The following SNX7 variants were observed in gnomAD, a reference collection of about 807,000 sequenced individuals.
The protein encoded by SNX7 is sorting nexin-7.
Under a neutral mutation model 48.4 loss-of-function variants are expected in SNX7, and 35 were observed. The ratio of observed to expected loss-of-function variants is 0.72; its 90% confidence interval spans 0.55 to 0.96. The LOEUF is 0.96. Ranked by LOEUF, SNX7 falls within the 40% of genes least tolerant of loss-of-function variation. The probability of loss-of-function intolerance (pLI) is 0.00; values close to 1 mark genes in which losing one functional copy is unlikely to be tolerated. For missense variants in SNX7, 553 were observed against 548.9 expected, an observed-to-expected ratio of 1.01 and a Z score of -0.07; for synonymous variants, 190 against 190.2, an observed-to-expected ratio of 1.00 and a Z score of 0.01.
chr1:98,743,911 A>G (rs1654192709), intron 8 of SNX7, among the ~76,000 whole-genome samples: 1 of 152,098 alleles, frequency 6.6e-6, no homozygotes, highest in Non-Finnish European at 1.5e-5. Flanking sequence ...AACTATATTG[A>G]TAATGATGAT....
intron 1 of SNX7, among the ~76,000 whole-genome samples, chr1:98,671,854 G>T (rs1649882888): frequency 1.3e-5 from 2 of 151,816 alleles, no homozygotes; most frequent in South Asian, 2.1e-4. Flanking sequence ...ATTTCTATTA[G>T]AAAAATGATT....
intron 7 of SNX7, among the ~76,000 whole-genome samples, chr1:98,710,945 T>G (rs923035291): frequency 6.6e-6 from 1 of 152,202 alleles, no homozygotes; most frequent in African/African-American, 2.4e-5. Flanking sequence ...AGTAAAAATT[T>G]TGGTAAGTTA....
At chr1:98,727,105 C>T (rs910632969) in intron 7 of SNX7, among the ~76,000 whole-genome samples, 1 of 152,126 alleles carries the variant, frequency 6.6e-6, no homozygotes. Context: ...AGCTACTTGG[C>T]AAGCCAAGGC....
intron 1 of SNX7, among the ~76,000 whole-genome samples, chr1:98,667,094 C>A (rs111875379): frequency 5.3e-4 from 80 of 152,280 alleles, no homozygotes; most frequent in African/African-American, 1.9e-3. Context: ...TTCCTGAATT[C>A]CTGCATAAAC....
rs750177918 is a variant in SNX7, at chr1:98,684,930, A to G, written c.226A>G (p.Thr76Ala). 5.7e-6 allele frequency: 9 copies of G among 1,592,828 alleles called. No homozygotes were observed. The highest frequency in any genetic ancestry group is 7.7e-6 in the Non-Finnish European group (9 of 1,168,208). The change falls in exon 2 of 9, where the codon ACA becomes GCA. Residue 76 changes from threonine (T) to alanine (A), a missense_variant. Transcript: ENST00000306121. Reference sequence around the variant, plus strand: ...GAACTCCTTCAGCCCTATGATGCCAACATCCCCTTTATCAATGATAAACCA... The same window carrying G: ...GAACTCCTTCAGCCCTATGATGCCAGCATCCCCTTTATCAATGATAAACCA... Reference protein sequence around the residue: ...DMNSFSPMMPTSPLSMINQIK... With the variant: ...DMNSFSPMMPASPLSMINQIK...
At chr1:98,695,267 T>G (rs956222798) in intron 4 of SNX7, among the ~76,000 whole-genome samples, 1 of 152,126 alleles carries the variant, frequency 6.6e-6, no homozygotes, top group African/African-American at 2.4e-5. Flanking sequence ...CTTTTAAAGA[T>G]TTACGGTCTG....
At chr1:98,737,055 C>T (rs951689767) in intron 7 of SNX7, among the ~76,000 whole-genome samples, 1 of 151,632 alleles carries the variant, frequency 6.6e-6, no homozygotes, top group Admixed American at 6.6e-5. Flanking sequence ...TCTCTAACCT[C>T]ACTTCCCAGG....
intron 4 of SNX7, among the ~76,000 whole-genome samples, chr1:98,694,595 G>GTTT (rs1557802551): frequency 4.2e-5 from 3 of 71,246 alleles, no homozygotes; most frequent in African/African-American, 1.1e-4. Flanking sequence ...ATTGCTCTGG[G>GTTT]ATTTTTTTTT....
chr1:98,681,224 G>T (rs994781676), intron 1 of SNX7, among the ~76,000 whole-genome samples: 2 of 152,122 alleles, frequency 1.3e-5, no homozygotes, highest in South Asian at 2.1e-4. Context: ...ACTATCAGGA[G>T]AACAGCACGG....
intron 8 of SNX7, among the ~76,000 whole-genome samples, chr1:98,745,206 G>A (rs762771020): frequency 9.2e-5 from 14 of 151,938 alleles, no homozygotes; most frequent in Non-Finnish European, 1.9e-4. Flanking sequence ...TTGCAATAGA[G>A]GTGTAATAGA....
At chr1:98,723,024 T>C (rs1462579007) in intron 7 of SNX7, among the ~76,000 whole-genome samples, 2 of 151,994 alleles carry the variant, frequency 1.3e-5, no homozygotes, top group Non-Finnish European at 2.9e-5. Context: ...GGGATAACAA[T>C]GAAAAGATGA....
At chr1:98,702,836 T>G (rs1258803228) in intron 7 of SNX7, among the ~76,000 whole-genome samples, 1 of 152,080 alleles carries the variant, frequency 6.6e-6, no homozygotes, top group African/African-American at 2.4e-5. Flanking sequence ...AAAATTTTTC[T>G]TTAAATTTAA....
At chr1:98,748,666 A>ACACACACT (rs1654428895) in intron 8 of SNX7, among the ~76,000 whole-genome samples, 1 of 151,816 alleles carries the variant, frequency 6.6e-6, no homozygotes, top group Non-Finnish European at 1.5e-5. Flanking sequence ...ACACACACAC[A>ACACACACT]CACACACTGC....
Position 98,760,046 on chromosome 1 carries a change from T to C in SNX7, c.1279-8T>C. 2 of 1,571,698 alleles carry C rather than the reference T, an allele frequency of 1.3e-6. No individual in the cohort carries two copies. The highest frequency in any genetic ancestry group is 1.8e-6 in the Non-Finnish European group (2 of 1,141,704). ...TTGATTGCCTCATGGTGTGTTTCCA[T>C]TATTCAGTGCCTTGCTACGTGGGAG... On this transcript the variant is annotated splice_polypyrimidine_tract_variant and splice_region_variant and intron_variant, in intron 8 of 8. Coordinates refer to ENST00000306121, the MANE Select transcript of SNX7 (RefSeq NM_015976.5).
At chr1:98,661,526 T>A (rs932960260), upstream of SNX7, among the ~76,000 whole-genome samples, 67 of 152,146 alleles carry the variant, frequency 4.4e-4, no homozygotes, top group African/African-American at 1.6e-3. Flanking sequence ...GAGTCCCAGT[T>A]CCGCCCCTCC....
intron 2 of SNX7, among the ~76,000 whole-genome samples, chr1:98,689,950 C>T (rs988748118): frequency 7.9e-5 from 12 of 152,164 alleles, no homozygotes; most frequent in African/African-American, 2.4e-4. Flanking sequence ...CACTTTTTCC[C>T]ATTATAAAGG....
intron 7 of SNX7, among the ~76,000 whole-genome samples, chr1:98,718,367 A>G (rs1348030302): frequency 1.3e-5 from 2 of 152,118 alleles, no homozygotes; most frequent in Non-Finnish European, 2.9e-5. Flanking sequence ...ATATATACAC[A>G]CATCAGGAAA....
rs774918112 is a variant in SNX7 at position 98,760,483 on chromosome 1, TA to T, written c.*357del. 6.9e-4 allele frequency: 119 copies of T among 173,414 alleles called. No individual in the cohort carries two copies. Among genetic ancestry groups the T allele is most frequent in the Non-Finnish European group, 1.2e-3 (99 of 81,050 alleles). 10.7% of individuals were successfully genotyped at this position (173,414 alleles called of 1,614,324 possible). A position where few individuals can be genotyped will look rare whatever the true frequency, so the allele number is the denominator to read the frequency against. ...AAATATGTTGTAAGGACTGTTTTAA[TA>T]AAAAGTTTAGTATGAAGTGGTTGGC... On this transcript the variant is annotated 3_prime_UTR_variant, in exon 9 of 9. Coordinates refer to ENST00000306121, the MANE Select transcript of SNX7 (RefSeq NM_015976.5).
At chr1:98,677,631 G>T (rs905797388) in intron 1 of SNX7, among the ~76,000 whole-genome samples, 2 of 152,158 alleles carry the variant, frequency 1.3e-5, no homozygotes, top group Non-Finnish European at 2.9e-5. Context: ...TGTAATCCCA[G>T]CACTTTGGTA....
Sources: gnomAD v4.1 joint callset for allele counts (sites outside exome capture counted in the v4.1 genomes callset) on GRCh38, gnomAD v4.1.1 for gene constraint, MANE v1.5 for transcripts, NCBI Gene and HGNC (gene_info 2026-07-23, HGNC 2026-07-21) for gene names.